Variants in NCKAP5 observed in about 807,000 individuals in gnomAD.
The protein encoded by NCKAP5 is NCK associated protein 5, also known as nck-associated protein 5.
A neutral mutation model predicts 167.0 loss-of-function variants in NCKAP5; 92 were observed. The ratio of observed to expected loss-of-function variants is 0.55; its 90% CI spans 0.47 to 0.66. NCKAP5 has a LOEUF of 0.66. Among genes scored for constraint, NCKAP5 ranks in the 30% least tolerant of loss-of-function variants. The probability of loss-of-function intolerance (pLI) is 0.00; values close to 1 mark genes in which losing one functional copy is unlikely to be tolerated. For synonymous variants in NCKAP5, 891 were observed against 877.4 expected, an observed-to-expected ratio of 1.02 and a Z score of -0.27; for missense variants, 2,378 against 2,315.0, an observed-to-expected ratio of 1.03 and a Z score of -0.56.
At position 133,016,245 on chromosome 2, in the gene NCKAP5, C is replaced by T. The variant is rs575844977; in HGVS notation, c.342-22006G>A. Among the ~76,000 whole-genome samples the T allele has an allele frequency of 2.0e-5, 3 of 152,246 alleles. No individual in the cohort carries two copies. In the South Asian group the frequency reaches 6.2e-4, roughly 32 times the overall value. On this transcript the variant is annotated intron_variant, in intron 6 of 19. Coordinates refer to ENST00000409261, the MANE Select transcript of NCKAP5 (RefSeq NM_207363.3). ...ATGCCAATGACCCTGAGGCCCAGGC[C>T]TACACACAAAAGAGCTTGGTGTGTG...
intron 19 of NCKAP5, among the ~76,000 whole-genome samples, chr2:132,683,202 A>G (rs879787440): frequency 1.1e-4 from 16 of 152,116 alleles, no homozygotes; most frequent in Non-Finnish European, 2.1e-4. Context: ...TAGATGGACG[A>G]ATATGCTATC....
At chr2:132,741,384 G>A (rs1342656140) in intron 16 of NCKAP5, among the ~76,000 whole-genome samples, 1 of 152,046 alleles carries the variant, frequency 6.6e-6, no homozygotes, top group Non-Finnish European at 1.5e-5. Flanking sequence ...GGCTACACTT[G>A]TACACAGTAC....
chr2:133,364,058 G>GTAT (rs1441623059), intron 3 of NCKAP5, among the ~76,000 whole-genome samples: 2 of 151,716 alleles, frequency 1.3e-5, no homozygotes, highest in Non-Finnish European at 1.5e-5. Context: ...GTAGGTGTTG[G>GTAT]TATCATCATC....
intron 6 of NCKAP5, among the ~76,000 whole-genome samples, chr2:133,001,135 CA>C (rs1232524814): frequency 2.0e-5 from 3 of 149,342 alleles, no homozygotes; most frequent in Non-Finnish European, 4.4e-5. Context: ...TAAATTTTAT[CA>C]AAAAAAGAGA....
chr2:132,705,660 T>C (rs1052610739), intron 19 of NCKAP5, among the ~76,000 whole-genome samples: 11 of 152,056 alleles, frequency 7.2e-5, no homozygotes, highest in Admixed American at 5.2e-4. Flanking sequence ...GTGGGAAATA[T>C]TGGGAGAAAA....
At chr2:133,371,584 A>C (rs1685807091) in intron 3 of NCKAP5, among the ~76,000 whole-genome samples, 1 of 152,202 alleles carries the variant, frequency 6.6e-6, no homozygotes, top group African/African-American at 2.4e-5. Flanking sequence ...CAGAGTAAGC[A>C]CCCTATAAAT....
chr2:133,405,799 T>C (rs1391844310), intron 3 of NCKAP5, among the ~76,000 whole-genome samples: 5 of 152,218 alleles, frequency 3.3e-5, no homozygotes, highest in Non-Finnish European at 7.3e-5. Flanking sequence ...CACTTGCTGT[T>C]CCCCTTGCCT....
At chr2:132,901,355 G>A (rs1370359162) in intron 8 of NCKAP5, among the ~76,000 whole-genome samples, 2 of 152,156 alleles carry the variant, frequency 1.3e-5, no homozygotes, top group Non-Finnish European at 2.9e-5. Context: ...ACATCATCTT[G>A]AAAACATGAC....
chr2:132,953,320 G>C (rs1410954086), intron 8 of NCKAP5, among the ~76,000 whole-genome samples: 1 of 152,140 alleles, frequency 6.6e-6, no homozygotes, highest in Non-Finnish European at 1.5e-5. Flanking sequence ...CTGGCATAAA[G>C]CCTCAAAGAC....
intron 5 of NCKAP5, among the ~76,000 whole-genome samples, chr2:133,169,240 G>A (rs145979259): frequency 6.6e-6 from 1 of 152,320 alleles, no homozygotes; most frequent in East Asian, 1.9e-4. Context: ...ATCAAGTGCT[G>A]TCACTATTTG....
intron 3 of NCKAP5, among the ~76,000 whole-genome samples, chr2:133,408,569 G>A (rs917300392): frequency 2.6e-5 from 4 of 152,106 alleles, no homozygotes; most frequent in Admixed American, 6.5e-5. Context: ...TGGTGACTTG[G>A]GGACACAGAA....
intron 6 of NCKAP5, among the ~76,000 whole-genome samples, chr2:133,016,009 G>A (rs1168972645): frequency 6.6e-6 from 1 of 151,934 alleles, no homozygotes; most frequent in African/African-American, 2.4e-5. Context: ...ATGTTTGGGT[G>A]GCTGTGAGTA....
intron 8 of NCKAP5, among the ~76,000 whole-genome samples, chr2:132,916,481 T>C (rs185554006): frequency 6.6e-6 from 1 of 152,186 alleles, no homozygotes; most frequent in Admixed American, 6.6e-5. Context: ...AAAAGGCTTG[T>C]ACTGTAGGAT....
At chr2:133,435,878 ACT>A (rs1281264494) in intron 3 of NCKAP5, among the ~76,000 whole-genome samples, 1 of 151,604 alleles carries the variant, frequency 6.6e-6, no homozygotes, top group Admixed American at 6.6e-5. Context: ...TGCTTTTGTG[ACT>A]CTGCTCACTT....
chr2:132,978,114 C>T (rs2077029458), intron 7 of NCKAP5, among the ~76,000 whole-genome samples: 1 of 152,124 alleles, frequency 6.6e-6, no homozygotes, highest in Non-Finnish European at 1.5e-5. Flanking sequence ...TCCTCAAAGG[C>T]AATTAGAAAA....
chr2:132,673,404 A>G, intron 19 of NCKAP5, 99 bp from the exon 20 acceptor site: 1 of 991,404 alleles, frequency 1.0e-6, no homozygotes, highest in Non-Finnish European at 1.4e-6. Context: ...TACAGTTTAA[A>G]GGGACAGAGA....
the NCKAP5 span, among the ~76,000 whole-genome samples, chr2:133,640,372 T>C: frequency 5.9e-5 from 9 of 152,068 alleles, no homozygotes; most frequent in African/African-American, 1.9e-4. Flanking sequence ...GTTAGAGAGG[T>C]ATAGGACCCT....
chr2:132,985,646 T>A (rs906601646), intron 7 of NCKAP5, among the ~76,000 whole-genome samples: 1 of 152,190 alleles, frequency 6.6e-6, no homozygotes, highest in African/African-American at 2.4e-5. Context: ...ACTTGTTATA[T>A]GAACAGTGGA....
At chr2:133,015,617 A>C (rs2078306266) in intron 6 of NCKAP5, among the ~76,000 whole-genome samples, 1 of 152,214 alleles carries the variant, frequency 6.6e-6, no homozygotes, top group African/African-American at 2.4e-5. Context: ...TGGAGCAAGG[A>C]GTGGACATTG....
Sources: gnomAD v4.1 joint callset for allele counts (sites outside exome capture counted in the v4.1 genomes callset) on GRCh38, gnomAD v4.1.1 for gene constraint, MANE v1.5 for transcripts, NCBI Gene and HGNC (gene_info 2026-07-23, HGNC 2026-07-21) for gene names.